The following ZZEF1 variants were observed in gnomAD, a reference collection of about 807,000 sequenced individuals.
ZZEF1 encodes the protein zinc finger ZZ-type and EF-hand domain-containing protein 1.
ZZEF1 carries 157 observed loss-of-function variants against 342.8 expected under a neutral mutation model. The ratio of observed to expected loss-of-function variants is 0.46; its 90% CI spans 0.40 to 0.52. The LOEUF (loss-of-function observed/expected upper bound fraction) is 0.52, where lower values mean the gene tolerates loss of function less well. ZZEF1 is among the 20% of genes least tolerant of loss of function. The pLI, the probability that ZZEF1 is intolerant of heterozygous loss-of-function variation, is 0.00. For synonymous variants in ZZEF1, 1,505 were observed against 1,429.1 expected (o/e 1.05, Z -1.20); for missense variants, 3,480 against 3,725.6 (o/e 0.93, Z 1.72).
intron 46 of ZZEF1, 54 bp from the exon 47 acceptor site, chr17:4,018,025 A>T (rs1180626653): frequency 2.0e-5 from 32 of 1,598,320 alleles, no homozygotes; most frequent in Non-Finnish European, 2.6e-5. Flanking sequence ...GGCCAGTTTT[A>T]ACCTGCACTT....
At chr17:4,093,372 G>A (rs2145397289) in intron 11 of ZZEF1, among the ~76,000 whole-genome samples, 1 of 152,340 alleles carries the variant, frequency 6.6e-6, no homozygotes, top group East Asian at 1.9e-4. Flanking sequence ...GAAGACCACT[G>A]AAGAGACATT....
At chr17:4,112,303 G>A (rs567009522) in intron 5 of ZZEF1, among the ~76,000 whole-genome samples, 28 of 150,648 alleles carry the variant, frequency 1.9e-4, no homozygotes, top group African/African-American at 5.1e-4. Flanking sequence ...CCACCCCCAC[G>A]CCTGGATAAT....
rs184809048 is a variant in ZZEF1, at chr17:4,070,744, C to T, written c.4015G>A (p.Ala1339Thr). The change falls in exon 26 of 55, where the codon GCC becomes ACC. Residue 1339 changes from alanine to threonine, a missense_variant. Ala to Thr is a moderately conservative substitution (Grantham distance 58). This residue lies in a region of ZZEF1 where 1,528 missense variants were observed against 1,624.1 expected (regional missense o/e 0.94). Coordinates refer to ENST00000381638, the MANE Select transcript of ZZEF1 (RefSeq NM_015113.4). ...CGATACACCAGAGCAGCAAAGGTGG[C>T]GTTCACAGCTTGATCAATAGTGGAA... ...AGSTIDQAVNATFAALVYRTP... is the reference protein window; with the variant it reads ...AGSTIDQAVNTTFAALVYRTP... 20 of 1,614,130 alleles carry T rather than the reference C, an allele frequency of 1.2e-5. No homozygotes were observed. Among genetic ancestry groups the T allele is most frequent in the South Asian group, 5.5e-5 (5 of 91,076 alleles).
intron 42 of ZZEF1, among the ~76,000 whole-genome samples, chr17:4,027,325 G>C (rs1190498553): frequency 9.2e-6 from 1 of 109,020 alleles, no homozygotes; most frequent in African/African-American, 3.9e-5. Context: ...GAGAAGTCTC[G>C]CTCTTGTTCC....
At chr17:4,100,184 G>C (rs1317138443) in intron 9 of ZZEF1, among the ~76,000 whole-genome samples, 1 of 152,162 alleles carries the variant, frequency 6.6e-6, no homozygotes, top group Non-Finnish European at 1.5e-5. Flanking sequence ...CCGATAAGGG[G>C]AAGAAAAAAT....
intron 52 of ZZEF1, among the ~76,000 whole-genome samples, 165 bp downstream of exon 52, chr17:4,013,284 T>G (rs1044599504): frequency 1.3e-5 from 2 of 152,114 alleles, no homozygotes; most frequent in African/African-American, 4.8e-5. Flanking sequence ...ATTTCTCAAA[T>G]AAGACACCAA....
rs761953031 is a variant in ZZEF1 at position 4,042,568 on chromosome 17, T to C, written c.6167A>G (p.Asp2056Gly). 5.0e-6 allele frequency: 8 copies of C among 1,609,804 alleles called. No individual in the cohort carries two copies. The highest frequency in any genetic ancestry group is 6.8e-6 in the Non-Finnish European group (8 of 1,178,832). Residue 2056 changes from aspartate to glycine, a missense_variant and splice_region_variant, in exon 39 of 55, where the codon GAT (aspartate) becomes GGT (glycine). Asp to Gly is a moderately conservative substitution (Grantham distance 94, BLOSUM62 -1). Around this residue, in one of 5 missense-constraint regions of ZZEF1, gnomAD observed 1,269 missense variants for 1,342.4 expected, o/e 0.95. Coordinates refer to ENST00000381638, the MANE Select transcript of ZZEF1 (RefSeq NM_015113.4). ...AGATGACACTTCTGAATCTTCAGCA[T>C]CTAAGTGGTAAAACAAACTTTCAGA... The part of the protein sequence containing the change: ...ADASPPTGLP[D>G]AEDSEVSSQK...
chr17:4,124,609 ATTTTTTTTTTTTT>A lies in ZZEF1; in HGVS notation c.355-571_355-559del, dbSNP rs34282931. On this transcript the variant is annotated intron_variant, in intron 1 of 54. Coordinates refer to ENST00000381638, the MANE Select transcript of ZZEF1 (RefSeq NM_015113.4). ...AGGCGCCTGCCACAACGCCAAGCTGATTTTTTTTTTTTTTTTTTTTGTATTTTCAGTAGAGATG... is the reference window on the plus strand; with the variant it reads ...AGGCGCCTGCCACAACGCCAAGCTGATTTTTTTGTATTTTCAGTAGAGATG... Among the ~76,000 whole-genome samples the A allele has an allele frequency of 1.0e-4, 13 of 126,778 alleles. 1 individual carries two copies. In the East Asian group the frequency reaches 3.1e-3, roughly 30 times the overall value. The allele number at this position is 126,778 out of a possible 152,430, so 83.2% of individuals were successfully genotyped here.
At chr17:4,078,096 A>G in intron 18 of ZZEF1, 54 bp from the exon 19 acceptor site, 3 of 1,569,988 alleles carry the variant, frequency 1.9e-6, no homozygotes, top group South Asian at 1.1e-5. Context: ...TTCACAGAGC[A>G]TAGCCAAGGG....
chr17:4,058,715 A>C (rs1168434079), intron 31 of ZZEF1, among the ~76,000 whole-genome samples: 2 of 152,214 alleles, frequency 1.3e-5, no homozygotes, highest in Non-Finnish European at 2.9e-5. Flanking sequence ...TTTCTACAAA[A>C]CATAAAGAAA....
intron 11 of ZZEF1, among the ~76,000 whole-genome samples, chr17:4,093,050 A>T (rs1188889475): frequency 6.6e-6 from 1 of 152,196 alleles, no homozygotes; most frequent in African/African-American, 2.4e-5. Context: ...TAGGCCAACA[A>T]AATCACGATT....
In ZZEF1 at chr17:4,049,918, C is replaced by T. The variant is rs534555204; in HGVS notation, c.5864-59G>A. 6.3e-6 allele frequency: 10 copies of T among 1,579,032 alleles called. No homozygotes were observed. In the Admixed American group the frequency reaches 7.2e-5, roughly 11 times the overall value. On this transcript the variant is annotated intron_variant, in intron 36 of 54. Coordinates refer to ENST00000381638, the MANE Select transcript of ZZEF1 (RefSeq NM_015113.4). ...GTTTTATAATGAGAGTTCTTTTCAG[C>T]AAGTGCCATAAGTTACTTTGCCATT...
chr17:4,142,812 G>A lies in ZZEF1; in HGVS notation c.84C>T (p.Ala28=). The A allele has an allele frequency of 6.4e-6, 9 of 1,403,098 alleles. No homozygotes were observed. Among genetic ancestry groups the A allele is most frequent in the Non-Finnish European group, 8.3e-6 (9 of 1,090,396 alleles). The allele number at this position is 1,403,098 out of a possible 1,614,324, so 86.9% of individuals were successfully genotyped here. The change falls in exon 1 of 55, where the codon GCC becomes GCT. Residue 28 remains alanine, a synonymous_variant. Coordinates refer to ENST00000381638, the MANE Select transcript of ZZEF1 (RefSeq NM_015113.4). ...GGCCGGGGGTCGTGCCCGAGACCGCGGCCCAGTCCTGGTGTGGGCCCCAGC... is the reference window on the plus strand; with the variant it reads ...GGCCGGGGGTCGTGCCCGAGACCGCAGCCCAGTCCTGGTGTGGGCCCCAGC... ...GEGWGPHQDW[A]AVSGTTPGPG...
rs373775693 is a variant in ZZEF1, at chr17:4,056,204, G to C, written c.5295+12C>G. 6 of 1,570,158 alleles carry C rather than the reference G, an allele frequency of 3.8e-6. No homozygotes were observed. Among genetic ancestry groups the C allele is most frequent in the Non-Finnish European group, 5.2e-6 (6 of 1,158,142 alleles). ...CAAATCACTTCAGAGTACTCTAGTT[G>C]AGAGGTCTTACTTTCCTCTGCTTCT... On this transcript the variant is annotated intron_variant, in intron 33 of 54. Coordinates refer to ENST00000381638, the MANE Select transcript of ZZEF1 (RefSeq NM_015113.4).
intron 43 of ZZEF1, among the ~76,000 whole-genome samples, 180 bp from the exon 44 acceptor site, chr17:4,023,008 C>A (rs1393772019): frequency 1.3e-5 from 2 of 152,158 alleles, no homozygotes; most frequent in Non-Finnish European, 1.5e-5. Flanking sequence ...GTCTGGGGCT[C>A]TTTAGGCTAA....
intron 8 of ZZEF1, among the ~76,000 whole-genome samples, chr17:4,103,261 G>A (rs1157669278): frequency 4.6e-5 from 7 of 152,158 alleles, no homozygotes; most frequent in African/African-American, 1.7e-4. Context: ...AATTAAACAG[G>A]CTGGGCATCA....
At chr17:4,072,509 C>A in intron 25 of ZZEF1, 99 bp downstream of exon 25, 1 of 1,386,994 alleles carries the variant, frequency 7.2e-7, no homozygotes, top group African/African-American at 1.5e-5. Flanking sequence ...CTGCTTAATA[C>A]GGGTAGTAAG....
intron 39 of ZZEF1, among the ~76,000 whole-genome samples, chr17:4,038,702 G>A (rs978876620): frequency 6.6e-6 from 1 of 152,150 alleles, no homozygotes; most frequent in African/African-American, 2.4e-5. Flanking sequence ...CTACTTGGGA[G>A]GCTGAGGCAC....
intron 46 of ZZEF1, among the ~76,000 whole-genome samples, chr17:4,018,826 T>C (rs550495266): frequency 1.5e-4 from 23 of 151,886 alleles, no homozygotes; most frequent in Non-Finnish European, 3.2e-4. Context: ...ACTGGACTAA[T>C]GGTGCACTCC....
Sources: allele counts gnomAD v4.1 joint callset (sites outside exome capture counted in the v4.1 genomes callset), GRCh38; gene constraint gnomAD v4.1.1; regional missense constraint gnomAD v4.1.1; transcripts MANE v1.5; gene names NCBI Gene and HGNC (gene_info 2026-07-23, HGNC 2026-07-21).